The following EPHB1 variants were observed in gnomAD, a reference collection of about 807,000 sequenced individuals.
The protein encoded by EPHB1 is EPH receptor B1, also known as ephrin type-B receptor 1.
EPHB1 carries 30 observed loss-of-function variants against 94.4 expected under a neutral mutation model. The ratio of observed to expected loss-of-function variants is 0.32; its 90% CI spans 0.24 to 0.43. The LOEUF (loss-of-function observed/expected upper bound fraction) is 0.43. EPHB1 is among the 20% of genes least tolerant of loss of function. The pLI is 1.00. For synonymous variants in EPHB1, 522 were observed against 489.1 expected (o/e 1.07, Z -0.89); for missense variants, 1,055 against 1,308.3 (o/e 0.81, Z 2.99).
intron 13 of EPHB1, among the ~76,000 whole-genome samples, chr3:135,245,015 G>A (rs1943885692): frequency 6.6e-6 from 1 of 152,184 alleles, no homozygotes; most frequent in Non-Finnish European, 1.5e-5. Flanking sequence ...CACAAACATG[G>A]TAGTGGGTTC....
chr3:135,241,326 A>T, intron 13 of EPHB1, 29 bp downstream of exon 13: 1 of 1,613,630 alleles, frequency 6.2e-7, no homozygotes, highest in Non-Finnish European at 8.5e-7. Context: ...TGGTCACCAC[A>T]AACCCCCATT....
At chr3:134,997,675 A>G (rs1163112845) in intron 3 of EPHB1, among the ~76,000 whole-genome samples, 2 of 152,034 alleles carry the variant, frequency 1.3e-5, no homozygotes, top group African/African-American at 4.8e-5. Flanking sequence ...TCCGTTTTGG[A>G]TAAACCTTCC....
At chr3:135,095,104 A>G (rs779992107) in intron 3 of EPHB1, among the ~76,000 whole-genome samples, 1 of 151,942 alleles carries the variant, frequency 6.6e-6, no homozygotes, top group African/African-American at 2.4e-5. Context: ...TCATACTGCC[A>G]CTCCCAATAT....
intron 3 of EPHB1, among the ~76,000 whole-genome samples, chr3:135,011,867 G>A (rs1424370835): frequency 6.6e-6 from 1 of 152,064 alleles, no homozygotes; most frequent in Non-Finnish European, 1.5e-5. Flanking sequence ...CTTTATTTTC[G>A]TGAAGATTGA....
chr3:135,042,584 C>T (rs2107766732), intron 3 of EPHB1, among the ~76,000 whole-genome samples: 1 of 152,256 alleles, frequency 6.6e-6, no homozygotes, highest in East Asian at 1.9e-4. Context: ...GGAGGGCTGC[C>T]CCTCCTGCAG....
At chr3:134,849,422 A>C (rs868647569) in intron 1 of EPHB1, among the ~76,000 whole-genome samples, 12 of 152,306 alleles carry the variant, frequency 7.9e-5, no homozygotes, top group Admixed American at 5.2e-4. Flanking sequence ...GGGGAAACAG[A>C]ATCTCATCAA....
intron 4 of EPHB1, among the ~76,000 whole-genome samples, chr3:135,110,236 A>G (rs913014371): frequency 3.3e-5 from 5 of 152,228 alleles, no homozygotes; most frequent in African/African-American, 9.6e-5. Flanking sequence ...TCACAGAGGC[A>G]AGCTAGTGCT....
intron 4 of EPHB1, among the ~76,000 whole-genome samples, chr3:135,119,075 G>A (rs1403152162): frequency 6.6e-6 from 1 of 152,096 alleles, no homozygotes; most frequent in South Asian, 2.1e-4. Flanking sequence ...TTGCCAAGTT[G>A]GCTGACCTCC....
chr3:135,167,168 A>G (rs1313313680), intron 9 of EPHB1, among the ~76,000 whole-genome samples, 162 bp downstream of exon 9: 1 of 152,152 alleles, frequency 6.6e-6, no homozygotes, highest in East Asian at 1.9e-4. Context: ...CCCAGGGGCA[A>G]CAGGCTACCC....
chr3:135,085,135 A>C (rs1938308358), intron 3 of EPHB1, among the ~76,000 whole-genome samples: 1 of 152,180 alleles, frequency 6.6e-6, no homozygotes, highest in Non-Finnish European at 1.5e-5. Context: ...CTTTAATAAT[A>C]ATGACCCTTA....
chr3:135,099,245 C>G (rs143231061), intron 3 of EPHB1, among the ~76,000 whole-genome samples: 2 of 152,128 alleles, frequency 1.3e-5, no homozygotes, highest in Non-Finnish European at 2.9e-5. Context: ...AAGGGAAATA[C>G]AAAGATGGCA....
At chr3:135,072,255 G>A (rs1340232215) in intron 3 of EPHB1, among the ~76,000 whole-genome samples, 2 of 152,056 alleles carry the variant, frequency 1.3e-5, no homozygotes, top group African/African-American at 2.4e-5. Context: ...GGTGGCGTGA[G>A]CACTAGTAAT....
intron 3 of EPHB1, among the ~76,000 whole-genome samples, chr3:135,092,912 C>A (rs1938611024): frequency 6.6e-6 from 1 of 152,166 alleles, no homozygotes; most frequent in Non-Finnish European, 1.5e-5. Flanking sequence ...CAGGCGGGAG[C>A]CACCAAACCT....
At chr3:134,897,985 T>G (rs904679645) in intron 1 of EPHB1, among the ~76,000 whole-genome samples, 1 of 152,214 alleles carries the variant, frequency 6.6e-6, no homozygotes. Flanking sequence ...TAAATAATCC[T>G]TAGGTTCCAT....
intron 3 of EPHB1, among the ~76,000 whole-genome samples, chr3:135,038,852 G>C (rs1417819792): frequency 1.3e-5 from 2 of 152,130 alleles, no homozygotes; most frequent in Non-Finnish European, 2.9e-5. Flanking sequence ...GACCCCAGCG[G>C]GTTGCCAATG....
At chr3:134,948,032 C>A (rs552259486) in intron 2 of EPHB1, among the ~76,000 whole-genome samples, 2 of 152,090 alleles carry the variant, frequency 1.3e-5, no homozygotes, top group African/African-American at 4.8e-5. Flanking sequence ...GGGCTCAAGC[C>A]ATCCTCCCAC....
At chr3:134,905,896 A>G (rs2038314272) in intron 1 of EPHB1, among the ~76,000 whole-genome samples, 1 of 152,124 alleles carries the variant, frequency 6.6e-6, no homozygotes, top group Non-Finnish European at 1.5e-5. Flanking sequence ...CCCTTTGCCC[A>G]TCTGCTAGCT....
chr3:134,981,473 C>A (rs1014187928), intron 3 of EPHB1, among the ~76,000 whole-genome samples: 1 of 152,182 alleles, frequency 6.6e-6, no homozygotes, highest in African/African-American at 2.4e-5. Context: ...CATATTACTT[C>A]TATTTACAAC....
At chr3:134,939,315 C>G (rs1328752796) in intron 2 of EPHB1, among the ~76,000 whole-genome samples, 1 of 140,208 alleles carries the variant, frequency 7.1e-6, no homozygotes, top group Non-Finnish European at 1.5e-5. Context: ...GAAGCAGTCT[C>G]CAACCCTGAG....
Sources: allele counts gnomAD v4.1 joint callset (sites outside exome capture counted in the v4.1 genomes callset), GRCh38; gene constraint gnomAD v4.1.1; transcripts MANE v1.5; gene names NCBI Gene and HGNC (gene_info 2026-07-23, HGNC 2026-07-21).